The following STX8 variants were observed in gnomAD, a reference collection of about 807,000 sequenced individuals.
STX8 encodes syntaxin-8.
STX8 carries 23 observed loss-of-function variants against 37.5 expected under a neutral mutation model. That is an observed-to-expected ratio of 0.61 (90% CI 0.44 to 0.87). The LOEUF (loss-of-function observed/expected upper bound fraction) is 0.87, where lower values mean the gene tolerates loss of function less well. Ranked by LOEUF, STX8 falls within the 40% of genes least tolerant of loss-of-function variation. The pLI is 0.00. For synonymous variants in STX8, 115 were observed against 99.1 expected (o/e 1.16, Z -0.95); for missense variants, 313 against 284.7 (o/e 1.10, Z -0.71).
chr17:9,276,059 T>C (rs75407322), intron 7 of STX8, among the ~76,000 whole-genome samples: 1,537 of 151,324 alleles, frequency 0.01, 19 homozygotes, highest in Non-Finnish European at 0.016. Context: ...ATCAGAGCTC[T>C]GGCTGAGGTG....
chr17:9,464,346 C>A (rs1213902423), intron 6 of STX8, among the ~76,000 whole-genome samples: 2 of 152,214 alleles, frequency 1.3e-5, no homozygotes, highest in Non-Finnish European at 2.9e-5. Flanking sequence ...AATTCAGCTA[C>A]GATACCAGGC....
At chr17:9,285,231 G>A (rs1908031910) in intron 7 of STX8, among the ~76,000 whole-genome samples, 2 of 152,102 alleles carry the variant, frequency 1.3e-5, no homozygotes, top group African/African-American at 4.8e-5. Flanking sequence ...AAGGCTCAGG[G>A]AATCAGCTTC....
At chr17:9,296,449 G>T (rs919297685) in intron 7 of STX8, among the ~76,000 whole-genome samples, 5 of 146,580 alleles carry the variant, frequency 3.4e-5, no homozygotes, top group Admixed American at 2.8e-4. Context: ...AGTGAACCAA[G>T]ATCACACCAC....
chr17:9,529,596 G>A (rs945075534), intron 4 of STX8, among the ~76,000 whole-genome samples: 4 of 152,236 alleles, frequency 2.6e-5, no homozygotes, highest in Middle Eastern at 3.4e-3. Context: ...AAAGGGAACC[G>A]CTTTCGTGAT....
chr17:9,358,781 G>A (rs1910964623), intron 7 of STX8, among the ~76,000 whole-genome samples: 1 of 152,196 alleles, frequency 6.6e-6, no homozygotes, highest in African/African-American at 2.4e-5. Context: ...GTAATTAAGG[G>A]AGGAAGACTG....
intron 6 of STX8, among the ~76,000 whole-genome samples, chr17:9,426,031 A>T (rs964261152): frequency 6.7e-6 from 1 of 150,186 alleles, no homozygotes; most frequent in Non-Finnish European, 1.5e-5. Flanking sequence ...AACCACTAAA[A>T]AGCACCCTGT....
At position 9,574,612 on chromosome 17, in the gene STX8, A is replaced by G. The variant is rs1303221388; in HGVS notation, c.17+1180T>C. Reference sequence around the variant, plus strand: ...TGCAATGGCACGATCTCAGCTCACCACAACCTACACCTCCCGGGTTCAAGC... The same window carrying G: ...TGCAATGGCACGATCTCAGCTCACCGCAACCTACACCTCCCGGGTTCAAGC... On this transcript the variant is annotated intron_variant, in intron 1 of 7. Transcript: ENST00000306357. Among the ~76,000 whole-genome samples, 3 of 151,646 alleles carry G rather than the reference A, an allele frequency of 2.0e-5. No homozygotes were observed. The East Asian group carries it at 5.8e-4, about 29-fold the overall frequency.
chr17:9,372,509 G>C (rs1911440578), intron 7 of STX8, among the ~76,000 whole-genome samples: 1 of 151,856 alleles, frequency 6.6e-6, no homozygotes, highest in Non-Finnish European at 1.5e-5. Context: ...ATGGAGTCAT[G>C]CTTTTTTGCC....
At chr17:9,386,636 C>T (rs1912024560) in intron 6 of STX8, among the ~76,000 whole-genome samples, 1 of 151,050 alleles carries the variant, frequency 6.6e-6, no homozygotes, top group African/African-American at 2.5e-5. Context: ...AATTTCAGAC[C>T]TGCAAGAGTC....
At chr17:9,535,504 C>G (rs977966090) in intron 4 of STX8, among the ~76,000 whole-genome samples, 96 of 128,952 alleles carry the variant, frequency 7.4e-4, no homozygotes, top group African/African-American at 2.6e-3. Context: ...GCAATCTCGG[C>G]TCACTGCAAG....
intron 6 of STX8, among the ~76,000 whole-genome samples, chr17:9,458,986 C>T (rs990931181): frequency 3.9e-5 from 6 of 152,130 alleles, no homozygotes; most frequent in South Asian, 4.2e-4. Context: ...CCCACCACCA[C>T]GCCCGGCTAA....
intron 7 of STX8, among the ~76,000 whole-genome samples, chr17:9,295,063 C>T (rs953951540): frequency 1.3e-5 from 2 of 152,242 alleles, no homozygotes; most frequent in East Asian, 3.8e-4. Context: ...GGCTAAGCAA[C>T]CCCGCCTGGT....
chr17:9,439,537 T>TG (rs549248464), intron 6 of STX8, among the ~76,000 whole-genome samples: 347 of 145,578 alleles, frequency 2.4e-3, no homozygotes, highest in Non-Finnish European at 4.3e-3. Context: ...ATATAATTTT[T>TG]TTTTTTTTTT....
intron 6 of STX8, among the ~76,000 whole-genome samples, chr17:9,473,888 A>T (rs1049900648): frequency 9.9e-5 from 15 of 152,176 alleles, no homozygotes; most frequent in Non-Finnish European, 1.5e-5. Context: ...AACACATCAG[A>T]TAATAACTCA....
intron 7 of STX8, among the ~76,000 whole-genome samples, chr17:9,264,557 G>A (rs1264868841): frequency 6.6e-6 from 1 of 151,942 alleles, no homozygotes; most frequent in Non-Finnish European, 1.5e-5. Flanking sequence ...CTCCCTCCTC[G>A]ACCTCCCAAA....
At chr17:9,350,200 G>A (rs370084187) in intron 7 of STX8, among the ~76,000 whole-genome samples, 1 of 147,382 alleles carries the variant, frequency 6.8e-6, no homozygotes. Flanking sequence ...CGTATACAGC[G>A]TGGATACGCT....
intron 7 of STX8, among the ~76,000 whole-genome samples, chr17:9,320,248 G>A (rs1462626732): frequency 2.7e-5 from 4 of 149,708 alleles, no homozygotes; most frequent in Non-Finnish European, 4.4e-5. Flanking sequence ...CAGGAGAATC[G>A]CTTGAACCCG....
intron 7 of STX8, among the ~76,000 whole-genome samples, chr17:9,329,623 C>T (rs1326926048): frequency 9.2e-5 from 14 of 152,214 alleles, no homozygotes; most frequent in Middle Eastern, 3.2e-3. Flanking sequence ...AGAAAAGCTT[C>T]GGTGCCAAAT....
At chr17:9,398,065 G>C (rs1390099557) in intron 6 of STX8, among the ~76,000 whole-genome samples, 1 of 151,554 alleles carries the variant, frequency 6.6e-6, no homozygotes, top group African/African-American at 2.4e-5. Flanking sequence ...CAAATCTCCA[G>C]CTAGTTTATG....
Sources: gnomAD v4.1 joint callset for allele counts (sites outside exome capture counted in the v4.1 genomes callset) on GRCh38, gnomAD v4.1.1 for gene constraint, MANE v1.5 for transcripts, NCBI Gene and HGNC (gene_info 2026-07-23, HGNC 2026-07-21) for gene names.